ZNF138: variants seen among roughly 807,000 people sequenced by gnomAD.
The protein encoded by ZNF138 is zinc finger protein 138 (clone pHZ-32).
ZNF138 carries 33 observed loss-of-function variants against 33.0 expected under a neutral mutation model. The ratio of observed to expected loss-of-function variants is 1.00; its 90% CI spans 0.76 to 1.34. The LOEUF is 1.34. ZNF138 is among the 40% of genes most tolerant of loss of function. The pLI is 0.00. For synonymous variants in ZNF138, 139 were observed against 120.4 expected, an observed-to-expected ratio of 1.15 and a Z score of -1.01; for missense variants, 360 against 370.8, an observed-to-expected ratio of 0.97 and a Z score of 0.24.
At chr7:64,825,451 C>T (rs964480974) in intron 3 of ZNF138, among the ~76,000 whole-genome samples, 2 of 149,786 alleles carry the variant, frequency 1.3e-5, no homozygotes, top group African/African-American at 4.9e-5. Context: ...GATTACAGGC[C>T]TGAGCCACCG....
chr7:64,809,792 G>A (rs1240777397), intron 1 of ZNF138, among the ~76,000 whole-genome samples: 1 of 139,470 alleles, frequency 7.2e-6, no homozygotes, highest in Admixed American at 7.0e-5. Context: ...GTCGCGGCCG[G>A]GCAGAGGTGC....
chr7:64,810,378 G>C (rs1412166650), intron 1 of ZNF138, among the ~76,000 whole-genome samples: 7 of 133,026 alleles, frequency 5.3e-5, no homozygotes, highest in African/African-American at 8.5e-5. Context: ...AGAGGTTGCA[G>C]TGAGCCGAGA....
At position 64,810,452 on chromosome 7, in the gene ZNF138, A is replaced by G. The variant is rs138435123; in HGVS notation, c.4-4466A>G. Reference sequence around the variant, plus strand: ...GGAGACCGTGGGGAGAGGGAGAGGGAGAGGGGGAGGGGGAGAGGGAGAGCG... The same window carrying G: ...GGAGACCGTGGGGAGAGGGAGAGGGGGAGGGGGAGGGGGAGAGGGAGAGCG... On this transcript the variant is annotated intron_variant, in intron 1 of 3. Transcript: ENST00000307355. Among the ~76,000 whole-genome samples, 309 of 96,640 alleles carry G rather than the reference A, an allele frequency of 3.2e-3. 2 individuals are homozygous for G. The highest frequency in any genetic ancestry group is 9.7e-3 in the East Asian group (29 of 2,994). The allele number at this position is 96,640 out of a possible 152,430, so 63.4% of individuals were successfully genotyped here. A position where few individuals can be genotyped will look rare whatever the true frequency, so the allele number is the denominator to read the frequency against.
At chr7:64,853,239 T>A in the ZNF138 span, 1 of 1,608,682 alleles carries the variant, frequency 6.2e-7, no homozygotes, top group Non-Finnish European at 8.5e-7. Context: ...CAGCAATTTT[T>A]GCAGGACATC....
downstream of ZNF138, chr7:64,833,790 T>C (rs1423301374): frequency 6.6e-6 from 1 of 152,212 alleles, no homozygotes; most frequent in Non-Finnish European, 1.5e-5. Flanking sequence ...ACTGGTGCAA[T>C]CTTGGTTTAC....
At chr7:64,834,428 GTAGA>G (rs1268424032), downstream of ZNF138, among the ~76,000 whole-genome samples, 1 of 152,112 alleles carries the variant, frequency 6.6e-6, no homozygotes, top group Admixed American at 6.5e-5. Context: ...ACTAAAGTGG[GTAGA>G]TAAATTATTT....
chr7:64,803,258 G>GTTTTTTTTTTTTTTTTTTTTTTTTT (rs60101981), intron 1 of ZNF138, among the ~76,000 whole-genome samples: 1 of 113,062 alleles, frequency 8.8e-6, no homozygotes, highest in Non-Finnish European at 1.8e-5. Context: ...TTTGGCAAAG[G>GTTTTTTTTTTTTTTTTTTTTTTTTT]TTTTTTTTTT....
the ZNF138 span, among the ~76,000 whole-genome samples, chr7:64,845,635 G>C: frequency 1.4e-4 from 21 of 152,324 alleles, no homozygotes; most frequent in African/African-American, 5.1e-4. Flanking sequence ...GAGTAAGGTA[G>C]TATCACATTG....
At chr7:64,816,782 C>T (rs1040555634) in intron 3 of ZNF138, among the ~76,000 whole-genome samples, 4 of 152,088 alleles carry the variant, frequency 2.6e-5, no homozygotes, top group Non-Finnish European at 5.9e-5. Context: ...AAGGAGCAAA[C>T]ACCTCTTCAC....
At chr7:64,809,916 T>C (rs1374883355) in intron 1 of ZNF138, among the ~76,000 whole-genome samples, 2 of 78,580 alleles carry the variant, frequency 2.5e-5, no homozygotes, top group Non-Finnish European at 5.2e-5. Flanking sequence ...CAGGAAGAGG[T>C]GCTCCTCACT....
intron 1 of ZNF138, among the ~76,000 whole-genome samples, chr7:64,807,672 G>A (rs924524702): frequency 3.9e-5 from 6 of 152,184 alleles, no homozygotes; most frequent in Admixed American, 3.3e-4. Context: ...AGAATGTACA[G>A]AAAACCAACA....
intron 3 of ZNF138, among the ~76,000 whole-genome samples, chr7:64,817,937 A>AT (rs1399728079): frequency 6.6e-6 from 1 of 151,076 alleles, no homozygotes; most frequent in Non-Finnish European, 1.5e-5. Context: ...GAATTACAGG[A>AT]TTTTCACTTA....
chr7:64,858,499 CT>C, the ZNF138 span, among the ~76,000 whole-genome samples: 1 of 152,198 alleles, frequency 6.6e-6, no homozygotes, highest in South Asian at 2.1e-4. Flanking sequence ...AGTATACAAT[CT>C]GCATTGCTTT....
At chr7:64,821,057 GTT>G (rs71061314) in intron 3 of ZNF138, among the ~76,000 whole-genome samples, 2 of 146,688 alleles carry the variant, frequency 1.4e-5, no homozygotes, top group African/African-American at 5.2e-5. Context: ...TTTGTTTTTG[GTT>G]TTTTTGTTTT....
In ZNF138 at chr7:64,828,191, T is replaced by TA. The variant is rs57120947; in HGVS notation, c.209-3259dup. On this transcript the variant is annotated intron_variant, in intron 3 of 3. Coordinates refer to ENST00000307355, the MANE Select transcript of ZNF138 (RefSeq NM_001271639.2). ...AACTATCATAATTCTGGTTTTTTTTTAGGTATTGTTTATTTTTACCTGTCA... is the reference window on the plus strand; with the variant it reads ...AACTATCATAATTCTGGTTTTTTTTTAAGGTATTGTTTATTTTTACCTGTCA... Among the ~76,000 whole-genome samples the TA allele has an allele frequency of 1.5e-3, 223 of 151,946 alleles. 2 individuals carry two copies. The highest frequency in any genetic ancestry group is 5.0e-3 in the African/African-American group (206 of 41,474).
chr7:64,847,706 G>GT, the ZNF138 span, among the ~76,000 whole-genome samples: 11 of 151,914 alleles, frequency 7.2e-5, no homozygotes, highest in African/African-American at 2.4e-4. Context: ...TGCATGGAAT[G>GT]TTTTTTTTCC....
intron 3 of ZNF138, among the ~76,000 whole-genome samples, chr7:64,825,796 C>A (rs943251580): frequency 6.6e-6 from 1 of 152,076 alleles, no homozygotes; most frequent in Non-Finnish European, 1.5e-5. Flanking sequence ...CTTGGCCTCC[C>A]AAAATGTTGG....
chr7:64,824,065 G>C (rs1180829790), intron 3 of ZNF138, among the ~76,000 whole-genome samples: 1 of 152,196 alleles, frequency 6.6e-6, no homozygotes, highest in African/African-American at 2.4e-5. Context: ...GTTAAGCCTA[G>C]TTGGTCTGTA....
intron 1 of ZNF138, among the ~76,000 whole-genome samples, chr7:64,805,090 A>T (rs1787468865): frequency 6.6e-6 from 1 of 152,014 alleles, no homozygotes; most frequent in Admixed American, 6.6e-5. Flanking sequence ...TATTTTTTCC[A>T]TGTCACCACT....
Sources: allele counts gnomAD v4.1 joint callset (sites outside exome capture counted in the v4.1 genomes callset), GRCh38; gene constraint gnomAD v4.1.1; transcripts MANE v1.5; gene names NCBI Gene and HGNC (gene_info 2026-07-23, HGNC 2026-07-21).